ZNF773: variants seen among roughly 807,000 people sequenced by gnomAD.
ZNF773 encodes the protein zinc finger protein 773, also known as zinc finger protein 419B.
ZNF773 carries 11 observed loss-of-function variants against 12.8 expected under a neutral mutation model. The ratio of observed to expected loss-of-function variants is 0.86; its 90% confidence interval spans 0.54 to 1.42. The LOEUF (loss-of-function observed/expected upper bound fraction) is 1.42, where lower values mean the gene tolerates loss of function less well. ZNF773 is among the 40% of genes most tolerant of loss of function. The pLI is 0.00. For missense variants in ZNF773, 518 were observed against 527.2 expected, an observed-to-expected ratio of 0.98 and a Z score of 0.17; for synonymous variants, 175 against 178.4, an observed-to-expected ratio of 0.98 and a Z score of 0.15.
chr19:57,506,799 T>C lies in ZNF773; in HGVS notation c.704T>C (p.Phe235Ser). 2 of 1,614,242 alleles carry C rather than the reference T, an allele frequency of 1.2e-6. No homozygotes were observed. The highest frequency in any genetic ancestry group is 1.7e-6 in the Non-Finnish European group (2 of 1,180,036). ...GKLFSHKSNLFIHQIVHTGER... is the reference protein window; with the variant it reads ...GKLFSHKSNLSIHQIVHTGER... ...TTATTTAGCCATAAGTCCAACCTTT[T>C]TATACACCAAATAGTTCACACTGGA... Residue 235 changes from phenylalanine to serine, a missense_variant, in exon 4 of 4, where the codon TTT becomes TCT. Phe to Ser is a radical substitution (Grantham distance 155). Transcript: ENST00000282292.
rs2089766253 is a variant in ZNF773, at chr19:57,508,154, A to C, written c.*730A>C. 4.0e-6 allele frequency: 2 copies of C among 499,938 alleles called. No homozygotes were observed. Among genetic ancestry groups the C allele is most frequent in the Non-Finnish European group, 4.6e-6 (2 of 430,748 alleles). The allele number at this position is 499,938 out of a possible 1,614,324, so 31.0% of individuals were successfully genotyped here. On this transcript the variant is annotated 3_prime_UTR_variant, in exon 4 of 4. Coordinates refer to ENST00000282292, the MANE Select transcript of ZNF773 (RefSeq NM_198542.3). ...AGACTTCGTCTCAAAAAAAAAAAAAAAAAACAAAAAAAACCCAGAAACTCT... is the reference window on the plus strand; with the variant it reads ...AGACTTCGTCTCAAAAAAAAAAAAACAAAACAAAAAAAACCCAGAAACTCT...
Position 57,507,683 on chromosome 19 carries a change from A to G in ZNF773, c.*259A>G. On this transcript the variant is annotated 3_prime_UTR_variant, in exon 4 of 4. Transcript: ENST00000282292. ...GCTGAATCAATATGACCTGACTTAA[A>G]GCAGAAACAGCCAGGCGTGGTGGCT... 7.9e-7 allele frequency: 1 copy of G among 1,266,858 alleles called. No individual in the cohort carries two copies. Among genetic ancestry groups the G allele is most frequent in the East Asian group, 3.2e-5 (1 of 31,652 alleles). The allele number at this position is 1,266,858 out of a possible 1,614,324, so 78.5% of individuals were successfully genotyped here.
chr19:57,516,723 T>C (rs2123293226), downstream of ZNF773: 1 of 152,404 alleles, frequency 6.6e-6, no homozygotes, highest in Non-Finnish European at 1.5e-5. Flanking sequence ...TTGTACAGAA[T>C]GGGCTCCCTT....
chr19:57,504,450 C>T (rs1176509823), intron 1 of ZNF773, among the ~76,000 whole-genome samples: 3 of 151,960 alleles, frequency 2.0e-5, no homozygotes, highest in Non-Finnish European at 2.9e-5. Context: ...CATACCATGC[C>T]CAGAGCTGAG....
rs1359540989 is a variant in ZNF773, at chr19:57,505,208, G to T, written c.164-94G>T. ...TGTTCCTGCAAGACCCTCCTCCAAG[G>T]TTCTTTCTGTACTATTTTGTTTTCT... On this transcript the variant is annotated intron_variant, in intron 2 of 3. Coordinates refer to ENST00000282292, the MANE Select transcript of ZNF773 (RefSeq NM_198542.3). 4.8e-6 allele frequency: 7 copies of T among 1,451,710 alleles called. No individual in the cohort carries two copies. In the East Asian group the frequency reaches 1.2e-4, roughly 24 times the overall value. 89.9% of individuals were successfully genotyped at this position (1,451,710 alleles called of 1,614,324 possible).
At position 57,500,120 on chromosome 19, in the gene ZNF773, G is replaced by T; in HGVS notation, c.33+7G>T. 1.9e-6 allele frequency: 3 copies of T among 1,603,182 alleles called. No individual in the cohort carries two copies. The highest frequency in any genetic ancestry group is 1.1e-5 in the South Asian group (1 of 89,622). On this transcript the variant is annotated splice_region_variant and intron_variant, in intron 1 of 3. Transcript: ENST00000282292. ...GCTGAGGGACCCCGCTCAGGTGAGC[G>T]CCGCGTCCTCCCGGCCTCCCCCGAA...
intron 3 of ZNF773, 104 bp from the exon 4 acceptor site, chr19:57,506,254 A>G: frequency 6.6e-7 from 1 of 1,515,134 alleles, no homozygotes. Context: ...TCATTCTGCA[A>G]GCAGTCCCAC....
chr19:57,503,377 T>C (rs1451420452), intron 1 of ZNF773, among the ~76,000 whole-genome samples: 8 of 151,946 alleles, frequency 5.3e-5, no homozygotes, highest in Non-Finnish European at 1.2e-4. Flanking sequence ...CACAAGGACA[T>C]GAGGGAGAAT....
chr19:57,500,248 C>CA, intron 1 of ZNF773, 135 bp downstream of exon 1: 1 of 1,261,870 alleles, frequency 7.9e-7, no homozygotes, highest in Non-Finnish European at 1.1e-6. Context: ...GATGGGGTGG[C>CA]AATGGAGGGC....
chr19:57,514,402 A>C (rs1356847374), downstream of ZNF773: 1 of 152,224 alleles, frequency 6.6e-6, no homozygotes, highest in Non-Finnish European at 1.5e-5. Flanking sequence ...CACCTTTATC[A>C]GACCCTCCAA....
downstream of ZNF773, among the ~76,000 whole-genome samples, chr19:57,512,400 ATTTTT>A (rs747914066): frequency 8.4e-4 from 95 of 113,252 alleles, no homozygotes; most frequent in African/African-American, 1.1e-3. Flanking sequence ...AAGATGCAGT[ATTTTT>A]TTTTTTTTTT....
At position 57,507,953 on chromosome 19, in the gene ZNF773, A is replaced by T. The variant is rs1429924315; in HGVS notation, c.*529A>T. 1 of 159,524 alleles carries T rather than the reference A, an allele frequency of 6.3e-6. No homozygotes were observed. Among genetic ancestry groups the T allele is most frequent in the African/African-American group, 2.6e-5 (1 of 38,768 alleles). The allele number at this position is 159,524 out of a possible 1,614,324, so 9.9% of individuals were successfully genotyped here. ...ACGCCACTGCACTCCAGACTGGGTG[A>T]CAGAGTGAGACTCTGTCTAAAAAAA... On this transcript the variant is annotated 3_prime_UTR_variant, in exon 4 of 4. Coordinates refer to ENST00000282292, the MANE Select transcript of ZNF773 (RefSeq NM_198542.3).
At chr19:57,504,139 G>T (rs2089700225) in intron 1 of ZNF773, among the ~76,000 whole-genome samples, 1 of 152,208 alleles carries the variant, frequency 6.6e-6, no homozygotes, top group African/African-American at 2.4e-5. Flanking sequence ...GGTTGCCCCT[G>T]GTAGTCAGTG....
intron 1 of ZNF773, among the ~76,000 whole-genome samples, chr19:57,502,266 T>C (rs1422219649): frequency 2.0e-5 from 3 of 151,980 alleles, no homozygotes; most frequent in Non-Finnish European, 4.4e-5. Flanking sequence ...TATGGAGAGG[T>C]TCTCATTTCT....
intron 1 of ZNF773, among the ~76,000 whole-genome samples, chr19:57,501,815 T>C (rs1231864861): frequency 6.6e-6 from 1 of 152,148 alleles, no homozygotes; most frequent in East Asian, 1.9e-4. Flanking sequence ...CCTCAACTCC[T>C]ACCTACATGG....
At chr19:57,508,452 T>C (rs2089770880), downstream of ZNF773, 6 of 665,906 alleles carry the variant, frequency 9.0e-6, no homozygotes, top group Non-Finnish European at 1.4e-5. Flanking sequence ...CTTTAATAAA[T>C]ATTTACTTGC....
chr19:57,502,097 C>CA (rs1300062533), intron 1 of ZNF773, among the ~76,000 whole-genome samples: 1 of 152,182 alleles, frequency 6.6e-6, no homozygotes, highest in Non-Finnish European at 1.5e-5. Context: ...CACGTGCCGT[C>CA]ACGCCCGGCT....
chr19:57,508,975 A>T (rs1427063827), downstream of ZNF773, among the ~76,000 whole-genome samples: 5 of 151,976 alleles, frequency 3.3e-5, no homozygotes, highest in African/African-American at 7.3e-5. Context: ...TTTTCTTTCT[A>T]AAAAATTAGA....
intron 3 of ZNF773, among the ~76,000 whole-genome samples, chr19:57,505,733 CAG>C (rs2089723800): frequency 9.8e-6 from 1 of 102,154 alleles, no homozygotes; most frequent in Admixed American, 1.0e-4. Flanking sequence ...TTTTTTTTGA[CAG>C]AGTCTTGCTC....
Sources: gnomAD v4.1 joint callset for allele counts (sites outside exome capture counted in the v4.1 genomes callset) on GRCh38, gnomAD v4.1.1 for gene constraint, MANE v1.5 for transcripts, NCBI Gene and HGNC (gene_info 2026-07-23, HGNC 2026-07-21) for gene names.